Variants in WNT7B observed in about 807,000 individuals in gnomAD.
WNT7B encodes the protein Wnt family member 7B, also known as protein Wnt-7b.
Under a neutral mutation model 38.2 loss-of-function variants are expected in WNT7B, and 19 were observed. The observed-to-expected ratio is 0.50, with a 90% CI of 0.35 to 0.73. The LOEUF is 0.73. WNT7B is among the 30% of genes least tolerant of loss of function. WNT7B has a pLI of 0.01. For synonymous variants in WNT7B, 243 were observed against 209.3 expected (o/e 1.16, Z -1.39); for missense variants, 423 against 507.9 (o/e 0.83, Z 1.61).
intron 2 of WNT7B, among the ~76,000 whole-genome samples, chr22:45,947,886 G>A (rs1299313293): frequency 9.2e-5 from 14 of 152,136 alleles, no homozygotes; most frequent in Admixed American, 7.9e-4. Context: ...TCCCAGGATC[G>A]AGGAACAGGA....
At chr22:45,939,671 A>ACACACACACAC (rs56044141) in intron 2 of WNT7B, among the ~76,000 whole-genome samples, 2 of 151,478 alleles carry the variant, frequency 1.3e-5, no homozygotes, top group African/African-American at 4.9e-5. Context: ...ACACACACAC[A>ACACACACACAC]AAAATAGCCA....
At chr22:45,970,956 A>G (rs1340603511) in intron 1 of WNT7B, among the ~76,000 whole-genome samples, 1 of 152,194 alleles carries the variant, frequency 6.6e-6, no homozygotes, top group Non-Finnish European at 1.5e-5. Flanking sequence ...CCTTGTAATT[A>G]TGTCCCACAG....
chr22:45,936,733 C>T (rs1931523007), intron 2 of WNT7B, among the ~76,000 whole-genome samples: 2 of 152,252 alleles, frequency 1.3e-5, no homozygotes, highest in South Asian at 2.1e-4. Flanking sequence ...GGCAGAGCTG[C>T]GCCCTCATCC....
At chr22:45,950,649 A>G (rs926079360) in intron 1 of WNT7B, among the ~76,000 whole-genome samples, 4 of 152,196 alleles carry the variant, frequency 2.6e-5, no homozygotes, top group African/African-American at 9.7e-5. Context: ...AGCCAAGCCC[A>G]TCCGGTACTG....
chr22:45,960,255 C>T (rs930353195), intron 1 of WNT7B, among the ~76,000 whole-genome samples: 4 of 152,196 alleles, frequency 2.6e-5, no homozygotes, highest in Non-Finnish European at 4.4e-5. Context: ...CATGCTGGCC[C>T]GCCCCCGACC....
intron 2 of WNT7B, among the ~76,000 whole-genome samples, chr22:45,939,095 A>G (rs971502117): frequency 2.6e-5 from 4 of 152,336 alleles, no homozygotes; most frequent in African/African-American, 9.6e-5. Flanking sequence ...GGCAAAAAAG[A>G]CTGACAATAC....
rs566533328 is a variant in WNT7B at position 45,931,217 on chromosome 22, C to T, written c.451G>A (p.Gly151Ser). ...YNQAEGWKWG[G>S]CSADVRYGID... is the part of the protein sequence containing the mutation. Reference sequence around the variant, plus strand: ...CCGTAACGCACGTCGGCCGAGCAGCCGCCCCACTTCCAGCCCTCGGCTTGG... The same window carrying T: ...CCGTAACGCACGTCGGCCGAGCAGCTGCCCCACTTCCAGCCCTCGGCTTGG... Residue 151 changes from glycine (G) to serine (S), a missense_variant, in exon 3 of 4, where the codon GGC becomes AGC. Around this residue, in one of 3 missense-constraint regions of WNT7B, gnomAD observed 132 missense variants for 113.4 expected, o/e 1.16. Coordinates refer to ENST00000339464, the MANE Select transcript of WNT7B (RefSeq NM_058238.3). 2.5e-6 allele frequency: 4 copies of T among 1,599,406 alleles called. No homozygotes were observed. Among genetic ancestry groups the T allele is most frequent in the South Asian group, 1.1e-5 (1 of 91,074 alleles).
At chr22:45,962,253 C>T (rs1157011351) in intron 1 of WNT7B, among the ~76,000 whole-genome samples, 4 of 152,172 alleles carry the variant, frequency 2.6e-5, no homozygotes, top group Non-Finnish European at 2.9e-5. Context: ...ACAAGGGGCC[C>T]GCAGCTAATG....
At chr22:45,949,159 G>A (rs2146731875) in intron 2 of WNT7B, among the ~76,000 whole-genome samples, 1 of 152,188 alleles carries the variant, frequency 6.6e-6, no homozygotes, top group South Asian at 2.1e-4. Flanking sequence ...GCCCCTCTCT[G>A]GGCTCAGTCT....
In WNT7B at chr22:45,929,970, A is replaced by AC. The variant is rs1931282344; in HGVS notation, c.570+1127_570+1128insG. ...CATCCATCCACTCATACATCTATCC[A>AC]TCCATCCAACAATAACTTAATAACC... is the stretch of plus-strand genomic sequence containing the variant. On this transcript the variant is annotated intron_variant, in intron 3 of 3. Transcript: ENST00000339464. Among the ~76,000 whole-genome samples, 2 of 150,466 alleles carry AC rather than the reference A, an allele frequency of 1.3e-5. 1 individual carries two copies. Among genetic ancestry groups the AC allele is most frequent in the African/African-American group, 5.0e-5 (2 of 40,182 alleles).
At position 45,921,006 on chromosome 22, in the gene WNT7B, T is replaced by C. The variant is rs1601710826; in HGVS notation, c.*1850A>G. ...GCGTCCAGGCATGGTTAGAGGCACA[T>C]GGGCTGGACCACAGGGCCAGAGCCC... On this transcript the variant is annotated 3_prime_UTR_variant, in exon 4 of 4. Transcript: ENST00000339464. The C allele has an allele frequency of 1.3e-5, 2 of 152,238 alleles. No individual in the cohort carries two copies. Among genetic ancestry groups the C allele is most frequent in the East Asian group, 3.9e-4 (2 of 5,160 alleles). The allele number at this position is 152,238 out of a possible 1,614,324, so 9.4% of individuals were successfully genotyped here. A position where few individuals can be genotyped will look rare whatever the true frequency, so the allele number is the denominator to read the frequency against.
At chr22:45,937,960 G>T (rs1387731183) in intron 2 of WNT7B, among the ~76,000 whole-genome samples, 6 of 151,988 alleles carry the variant, frequency 3.9e-5, no homozygotes. Flanking sequence ...AGTGAGCCGA[G>T]ACCGCGCCAT....
At chr22:45,952,272 C>T (rs1931951447) in intron 1 of WNT7B, among the ~76,000 whole-genome samples, 1 of 152,216 alleles carries the variant, frequency 6.6e-6, no homozygotes, top group Non-Finnish European at 1.5e-5. Context: ...CGAGCACCCA[C>T]AGCCAGCTGG....
intron 2 of WNT7B, among the ~76,000 whole-genome samples, chr22:45,936,618 C>G (rs375701602): frequency 2.0e-5 from 3 of 152,256 alleles, no homozygotes; most frequent in South Asian, 2.1e-4. Flanking sequence ...CAAAGGACCC[C>G]CTGGCTGGGC....
In WNT7B at chr22:45,931,187, C is replaced by T. The variant is rs774575423; in HGVS notation, c.481G>A (p.Asp161Asn). Residue 161 changes from aspartate (D) to asparagine (N), a missense_variant, in exon 3 of 4, where the codon GAC becomes AAC. Physicochemically the swap from Asp to Asn is conservative, Grantham distance 23. Transcript: ENST00000339464. The part of the protein sequence containing the change: ...GCSADVRYGI[D>N]FSRRFVDARE... ...GCGTCCACGAAGCGCCGGGAGAAGT[C>T]GATGCCGTAACGCACGTCGGCCGAG... 5.6e-6 allele frequency: 9 copies of T among 1,599,612 alleles called. No individual in the cohort carries two copies. Among genetic ancestry groups the T allele is most frequent in the South Asian group, 2.2e-5 (2 of 91,062 alleles).
chr22:45,929,811 T>TCCAC (rs1343060645), intron 3 of WNT7B, among the ~76,000 whole-genome samples: 2 of 88,404 alleles, frequency 2.3e-5, no homozygotes, highest in African/African-American at 7.9e-5. Flanking sequence ...CATCTACCCA[T>TCCAC]CCATCTATCT....
chr22:45,927,552 A>C, intron 3 of WNT7B: 3 of 1,440,666 alleles, frequency 2.1e-6, no homozygotes, highest in South Asian at 1.2e-5. Flanking sequence ...AGAGGAGGTC[A>C]CCCTGGGTTG....
intron 3 of WNT7B, chr22:45,925,440 G>A: frequency 2.0e-6 from 2 of 985,320 alleles, no homozygotes; most frequent in Non-Finnish European, 2.4e-6. Flanking sequence ...GAGCCCGGGT[G>A]TCCTGAGAAG....
intron 1 of WNT7B, 25 bp from the exon 2 acceptor site, chr22:45,950,171 C>T (rs750630270): frequency 3.1e-5 from 50 of 1,597,564 alleles, no homozygotes; most frequent in South Asian, 7.8e-5. Context: ...AGACAGAGGC[C>T]GTGAGACGGC....
Sources: gnomAD v4.1 joint callset for allele counts (sites outside exome capture counted in the v4.1 genomes callset) on GRCh38, gnomAD v4.1.1 for gene constraint, gnomAD v4.1.1 regional missense constraint, MANE v1.5 for transcripts, NCBI Gene and HGNC (gene_info 2026-07-23, HGNC 2026-07-21) for gene names.